Variants in FAM135B observed in about 807,000 individuals in gnomAD.
FAM135B encodes the protein protein FAM135B.
Under a neutral mutation model 127.7 loss-of-function variants are expected in FAM135B, and 43 were observed. That is an observed-to-expected ratio of 0.34 (90% CI 0.26 to 0.43). The LOEUF (loss-of-function observed/expected upper bound fraction) is 0.43, where lower values mean the gene tolerates loss of function less well. Among genes scored for constraint, FAM135B ranks in the 20% least tolerant of loss-of-function variants. The probability of loss-of-function intolerance (pLI) is 1.00; values close to 1 mark genes in which losing one functional copy is unlikely to be tolerated. For missense variants in FAM135B, 1,558 were observed against 1,725.6 expected (o/e 0.90, Z 1.72); for synonymous variants, 670 against 665.1 (o/e 1.01, Z -0.11).
chr8:138,371,782 C>T (rs933704357), intron 1 of FAM135B, among the ~76,000 whole-genome samples: 4 of 152,224 alleles, frequency 2.6e-5, no homozygotes, highest in South Asian at 2.1e-4. Flanking sequence ...ACACCACAGA[C>T]ATCTTCTCTG....
intron 1 of FAM135B, among the ~76,000 whole-genome samples, chr8:138,405,902 C>T (rs1432323546): frequency 2.0e-5 from 3 of 151,908 alleles, no homozygotes; most frequent in Non-Finnish European, 4.4e-5. Context: ...TAATGTTTGC[C>T]ATTCTAACTG....
chr8:138,409,397 C>A (rs1833722233), intron 1 of FAM135B, among the ~76,000 whole-genome samples: 1 of 152,068 alleles, frequency 6.6e-6, no homozygotes, highest in African/African-American at 2.4e-5. Flanking sequence ...AATCATGGAT[C>A]ACCGCAGCAG....
At chr8:138,381,405 A>T (rs1053864532) in intron 1 of FAM135B, among the ~76,000 whole-genome samples, 1 of 152,130 alleles carries the variant, frequency 6.6e-6, no homozygotes, top group Non-Finnish European at 1.5e-5. Flanking sequence ...CCCTCCCCGA[A>T]CAGCCATGCC....
intron 2 of FAM135B, among the ~76,000 whole-genome samples, chr8:138,327,752 A>G (rs1051058755): frequency 1.1e-4 from 17 of 152,196 alleles, no homozygotes; most frequent in Non-Finnish European, 2.1e-4. Flanking sequence ...CAATTTCACA[A>G]ATTATAATCG....
At chr8:138,159,611 G>A (rs113625984) in intron 12 of FAM135B, among the ~76,000 whole-genome samples, 3 of 137,674 alleles carry the variant, frequency 2.2e-5, no homozygotes, top group Non-Finnish European at 4.7e-5. Flanking sequence ...TCGTGGGGTG[G>A]GGGGAGGGGG....
chr8:138,197,103 GTGTGTGTGTGTGTGTA>G (rs1472856391), intron 8 of FAM135B, among the ~76,000 whole-genome samples: 538 of 53,326 alleles, frequency 0.01, 3 homozygotes, highest in African/African-American at 0.028. Context: ...GTGTGTGTGT[GTGTGTGTGTGTGTGTA>G]TATATATAGT....
chr8:138,462,663 A>G (rs1837191889), intron 1 of FAM135B, among the ~76,000 whole-genome samples: 1 of 152,158 alleles, frequency 6.6e-6, no homozygotes, highest in Non-Finnish European at 1.5e-5. Flanking sequence ...TCTACATAGG[A>G]GTTTTCTGTT....
chr8:138,482,218 A>G (rs567876547), intron 1 of FAM135B, among the ~76,000 whole-genome samples: 5 of 152,320 alleles, frequency 3.3e-5, no homozygotes, highest in African/African-American at 1.2e-4. Context: ...AGATGTGGGA[A>G]ACAACAAGGT....
At chr8:138,145,593 T>A (rs1817583528) in intron 15 of FAM135B, among the ~76,000 whole-genome samples, 1 of 152,170 alleles carries the variant, frequency 6.6e-6, no homozygotes, top group African/African-American at 2.4e-5. Context: ...TATACCTCTG[T>A]GTACTGCATG....
chr8:138,451,232 C>T (rs1321151100), intron 1 of FAM135B, among the ~76,000 whole-genome samples: 1 of 152,188 alleles, frequency 6.6e-6, no homozygotes, highest in African/African-American at 2.4e-5. Flanking sequence ...TCAGCAATTC[C>T]CTCATATTCT....
At chr8:138,275,893 C>T (rs1823785357) in intron 3 of FAM135B, among the ~76,000 whole-genome samples, 1 of 152,136 alleles carries the variant, frequency 6.6e-6, no homozygotes. Flanking sequence ...TTATAGAATG[C>T]ATGACTGACC....
At chr8:138,233,276 A>AT (rs1193025336) in intron 7 of FAM135B, among the ~76,000 whole-genome samples, 1 of 152,164 alleles carries the variant, frequency 6.6e-6, no homozygotes, top group Admixed American at 6.5e-5. Flanking sequence ...AACTCACCAA[A>AT]TTGTAGACGC....
intron 3 of FAM135B, among the ~76,000 whole-genome samples, chr8:138,282,928 G>C (rs192852606): frequency 1.2e-4 from 19 of 152,248 alleles, no homozygotes; most frequent in African/African-American, 4.3e-4. Flanking sequence ...TTGAGACAGA[G>C]TCTCACTCTG....
At chr8:138,419,604 G>T (rs1270337662) in intron 1 of FAM135B, among the ~76,000 whole-genome samples, 1 of 151,936 alleles carries the variant, frequency 6.6e-6, no homozygotes, top group Non-Finnish European at 1.5e-5. Context: ...CCACACATTT[G>T]GCCATAAGGC....
chr8:138,409,846 C>T (rs1257733113), intron 1 of FAM135B, among the ~76,000 whole-genome samples: 1 of 141,536 alleles, frequency 7.1e-6, no homozygotes, highest in East Asian at 2.1e-4. Flanking sequence ...TTGCACTCCA[C>T]TCCAGCCTGG....
In FAM135B at chr8:138,168,032, T is replaced by A. The variant is rs1408111694; in HGVS notation, c.1121A>T (p.Gln374Leu). Residue 374 changes from glutamine to leucine, a missense_variant, in exon 12 of 20, where the codon CAG becomes CTG. Transcript: ENST00000395297. ...CGAGTTCCGGATATCCAGGGACAGC[T>A]GGCTGTGCGTCTGTATCCTGGGGAG... is the stretch of plus-strand genomic sequence containing the variant. ...FQENLIQTHS[Q>L]LSLDIRNSEY... 6.2e-7 allele frequency: 1 copy of A among 1,613,514 alleles called. No homozygotes were observed.
intron 2 of FAM135B, among the ~76,000 whole-genome samples, chr8:138,319,589 T>C (rs1827317384): frequency 6.6e-6 from 1 of 152,176 alleles, no homozygotes; most frequent in Admixed American, 6.5e-5. Flanking sequence ...GGCAGTATGC[T>C]GTTGTGTTTC....
At chr8:138,375,210 G>A (rs7816063) in intron 1 of FAM135B, among the ~76,000 whole-genome samples, 1 of 151,892 alleles carries the variant, frequency 6.6e-6, no homozygotes, top group South Asian at 2.1e-4. Flanking sequence ...TTGTGTGGCC[G>A]AAAGAGGACA....
In FAM135B at chr8:138,161,810, C is replaced by T. The variant is rs182557826; in HGVS notation, c.1258+6085G>A. Among the ~76,000 whole-genome samples, 173 of 152,280 alleles carry T rather than the reference C, an allele frequency of 1.1e-3. 3 individuals carry two copies. The East Asian group carries it at 0.025, about 22-fold the overall frequency. On this transcript the variant is annotated intron_variant, in intron 12 of 19. Transcript: ENST00000395297. ...AAGTTAGACCTTCTCTAAGAAATTC[C>T]GAGCCTCCCTTCTACTTACATGCAG...
Sources: gnomAD v4.1 joint callset for allele counts (sites outside exome capture counted in the v4.1 genomes callset) on GRCh38, gnomAD v4.1.1 for gene constraint, MANE v1.5 for transcripts, NCBI Gene and HGNC (gene_info 2026-07-23, HGNC 2026-07-21) for gene names.